FBXO9: variants seen among roughly 807,000 people sequenced by gnomAD.
FBXO9 encodes the protein F-box protein 9, also known as F-box only protein 9.
Under a neutral mutation model 63.7 loss-of-function variants are expected in FBXO9, and 43 were observed. The observed-to-expected ratio is 0.67, with a 90% CI of 0.53 to 0.87. The LOEUF (loss-of-function observed/expected upper bound fraction) is 0.87. Ranked by LOEUF, FBXO9 falls within the 40% of genes least tolerant of loss-of-function variation. FBXO9 has a pLI of 0.00. For missense variants in FBXO9, 442 were observed against 533.2 expected (o/e 0.83, Z 1.68); for synonymous variants, 156 against 171.7 (o/e 0.91, Z 0.72).
At chr6:53,084,322 A>G (rs958178299) in intron 7 of FBXO9, among the ~76,000 whole-genome samples, 1 of 152,214 alleles carries the variant, frequency 6.6e-6, no homozygotes, top group Admixed American at 6.5e-5. Context: ...TAGGTACAGC[A>G]TGTAGTACTA....
At chr6:53,073,131 T>C (rs1768976362) in intron 2 of FBXO9, among the ~76,000 whole-genome samples, 1 of 152,208 alleles carries the variant, frequency 6.6e-6, no homozygotes, top group Admixed American at 6.5e-5. Context: ...ATTCTTAATG[T>C]CTACTAGATG....
intron 1 of FBXO9, among the ~76,000 whole-genome samples, chr6:53,068,221 G>C (rs988306019): frequency 2.6e-5 from 4 of 151,928 alleles, no homozygotes; most frequent in Non-Finnish European, 5.9e-5. Flanking sequence ...TTCCCTGATT[G>C]CCACATTTCT....
At position 53,076,562 on chromosome 6, in the gene FBXO9, G is replaced by T; in HGVS notation, c.307+19G>T. ...TATGAAGGTAAAAATTCAGAGCCCA[G>T]GTTCATATCATAACATTTCTGAATA... is the stretch of plus-strand genomic sequence containing the variant. On this transcript the variant is annotated intron_variant, in intron 4 of 12. Transcript: ENST00000323557. 2 of 1,496,978 alleles carry T rather than the reference G, an allele frequency of 1.3e-6. No individual in the cohort carries two copies. Among genetic ancestry groups the T allele is most frequent in the Non-Finnish European group, 8.9e-7 (1 of 1,129,632 alleles). The allele number at this position is 1,496,978 out of a possible 1,614,324, so 92.7% of individuals were successfully genotyped here. A position where few individuals can be genotyped will look rare whatever the true frequency, so the allele number is the denominator to read the frequency against.
At position 53,065,762 on chromosome 6, in the gene FBXO9, C is replaced by G; in HGVS notation, c.-28C>G. On this transcript the variant is annotated 5_prime_UTR_variant, in exon 1 of 13. Coordinates refer to ENST00000323557, the MANE Select transcript of FBXO9 (RefSeq NM_033480.3). ...GGTGCAGAGGGGGCACGGAGAGCCC[C>G]TCGAGCGCAGCAGGCCGCCCCGCCA... 1 of 1,405,460 alleles carries G rather than the reference C, an allele frequency of 7.1e-7. No individual in the cohort carries two copies. The highest frequency in any genetic ancestry group is 9.3e-7 in the Non-Finnish European group (1 of 1,080,000). 87.1% of individuals were successfully genotyped at this position (1,405,460 alleles called of 1,614,324 possible). A position where few individuals can be genotyped will look rare whatever the true frequency, so the allele number is the denominator to read the frequency against.
chr6:53,095,289 T>G (rs1259744078), intron 11 of FBXO9, among the ~76,000 whole-genome samples: 2 of 152,176 alleles, frequency 1.3e-5, no homozygotes, highest in Non-Finnish European at 2.9e-5. Flanking sequence ...ACACATGAGG[T>G]TATTATGATG....
intron 12 of FBXO9, among the ~76,000 whole-genome samples, chr6:53,097,023 T>C (rs1411850518): frequency 6.6e-6 from 1 of 152,174 alleles, no homozygotes; most frequent in East Asian, 1.9e-4. Flanking sequence ...AAAAGGACAT[T>C]ACCAGAGGCA....
At chr6:53,068,561 TACAC>T (rs1768792111) in intron 1 of FBXO9, among the ~76,000 whole-genome samples, 2 of 151,728 alleles carry the variant, frequency 1.3e-5, no homozygotes, top group Admixed American at 1.3e-4. Flanking sequence ...ACATATAAAA[TACAC>T]AGAAGTCATA....
intron 9 of FBXO9, 139 bp from the exon 10 acceptor site, chr6:53,093,327 A>G: frequency 1.9e-6 from 1 of 532,582 alleles, no homozygotes; most frequent in South Asian, 3.3e-5. Flanking sequence ...ATTTGTTTTA[A>G]TGTTTTAGCA....
chr6:53,069,900 T>C (rs1768846871), intron 1 of FBXO9, among the ~76,000 whole-genome samples: 1 of 152,026 alleles, frequency 6.6e-6, no homozygotes, highest in Non-Finnish European at 1.5e-5. Context: ...TTAATTCTCT[T>C]TAAGTGTTTT....
rs922450836 is a variant in FBXO9, at chr6:53,100,579, C to A, written c.*2749C>A. ...GCTGGGAGTGTAGACTTCAGTTACACCCCCAGCCCCCAGGGGAAAGCATTA... is the reference window on the plus strand; with the variant it reads ...GCTGGGAGTGTAGACTTCAGTTACAACCCCAGCCCCCAGGGGAAAGCATTA... On this transcript the variant is annotated 3_prime_UTR_variant, in exon 13 of 13. Transcript: ENST00000323557. 1 of 151,876 alleles carries A rather than the reference C, an allele frequency of 6.6e-6. No individual in the cohort carries two copies. Among genetic ancestry groups the A allele is most frequent in the Admixed American group, 6.6e-5 (1 of 15,236 alleles). 9.4% of individuals were successfully genotyped at this position (151,876 alleles called of 1,614,324 possible).
Position 53,082,544 on chromosome 6 carries a change from GGT to G in FBXO9, c.582_583del (p.Ser195Ter). On this transcript the variant is annotated frameshift_variant, in exon 7 of 13. Transcript: ENST00000323557. LOFTEE classifies it high-confidence loss of function. ...EVLMYIFRWV[V>X]SSDLDLRSLE... is the part of the protein sequence containing the mutation. ...TCCTGATGTACATCTTCCGATGGGT[GGT>G]GTCTAGTGACTTGGACCTCAGATCA... 1 of 1,613,728 alleles carries G rather than the reference GGT, an allele frequency of 6.2e-7. No individual in the cohort carries two copies. The highest frequency in any genetic ancestry group is 8.5e-7 in the Non-Finnish European group (1 of 1,179,730).
At chr6:53,092,212 AT>A (rs779898969) in intron 7 of FBXO9, 3 of 464,328 alleles carry the variant, frequency 6.5e-6, no homozygotes, top group Non-Finnish European at 1.2e-5. Context: ...CTGTTGGTTG[AT>A]TTTTGCACTA....
intron 1 of FBXO9, 167 bp downstream of exon 1, chr6:53,065,959 C>CG: frequency 1.7e-6 from 2 of 1,145,308 alleles, no homozygotes; most frequent in South Asian, 4.1e-5. Flanking sequence ...CGTCGGGGGG[C>CG]GGGGGGTGCC....
Position 53,065,700 on chromosome 6 carries a change from A to T in FBXO9, c.-90A>T. 1 of 1,389,520 alleles carries T rather than the reference A, an allele frequency of 7.2e-7. No individual in the cohort carries two copies. The highest frequency in any genetic ancestry group is 9.4e-7 in the Non-Finnish European group (1 of 1,059,820). 86.1% of individuals were successfully genotyped at this position (1,389,520 alleles called of 1,614,324 possible). Reference sequence around the variant, plus strand: ...CTCCGCTGCAGAGACAGGCAGGAGTAGACACCCGGACACCCAGCACCCCTC... The same window carrying T: ...CTCCGCTGCAGAGACAGGCAGGAGTTGACACCCGGACACCCAGCACCCCTC... On this transcript the variant is annotated 5_prime_UTR_variant, in exon 1 of 13. Transcript: ENST00000323557.
intron 7 of FBXO9, among the ~76,000 whole-genome samples, chr6:53,087,713 C>T (rs1484907265): frequency 6.6e-6 from 1 of 152,192 alleles, no homozygotes; most frequent in Non-Finnish European, 1.5e-5. Context: ...TGTAGTTTTG[C>T]AGATGGCTGT....
chr6:53,070,425 A>G (rs1486952293), intron 1 of FBXO9, among the ~76,000 whole-genome samples: 2 of 152,228 alleles, frequency 1.3e-5, no homozygotes, highest in African/African-American at 2.4e-5. Flanking sequence ...TCATTTATGA[A>G]TAGTAATAGA....
chr6:53,070,714 G>T (rs917121060), intron 1 of FBXO9: 2 of 245,284 alleles, frequency 8.2e-6, no homozygotes, highest in South Asian at 1.2e-4. Context: ...GTGTCCTGGG[G>T]GCTCCTGGAA....
intron 7 of FBXO9, chr6:53,091,392 G>C (rs1305787705): frequency 1.3e-5 from 2 of 150,200 alleles, no homozygotes; most frequent in African/African-American, 4.9e-5. Flanking sequence ...TTTTTGAGAC[G>C]GAGTCTCGCC....
chr6:53,081,219 T>A (rs996235822), intron 6 of FBXO9, 121 bp downstream of exon 6: 1 of 934,894 alleles, frequency 1.1e-6, no homozygotes, highest in Non-Finnish European at 1.6e-6. Context: ...TGGTGGAAGA[T>A]CTAGTTATAA....
Sources: gnomAD v4.1 joint callset for allele counts (sites outside exome capture counted in the v4.1 genomes callset) on GRCh38, gnomAD v4.1.1 for gene constraint, MANE v1.5 for transcripts, NCBI Gene and HGNC (gene_info 2026-07-23, HGNC 2026-07-21) for gene names.